Variants in DLG2 observed in about 807,000 individuals in gnomAD.
DLG2 encodes disks large homolog 2.
DLG2 carries 45 observed loss-of-function variants against 132.5 expected under a neutral mutation model. The ratio of observed to expected loss-of-function variants is 0.34; its 90% CI spans 0.27 to 0.44. The LOEUF is 0.44. DLG2 is among the 20% of genes least tolerant of loss of function. DLG2 has a pLI of 1.00. For missense variants in DLG2, 1,045 were observed against 1,196.9 expected (o/e 0.87, Z 1.87); for synonymous variants, 424 against 419.6 (o/e 1.01, Z -0.13).
intron 6 of DLG2, among the ~76,000 whole-genome samples, chr11:84,962,057 C>T (rs577183773): frequency 6.6e-6 from 1 of 152,352 alleles, no homozygotes; most frequent in Admixed American, 6.5e-5. Context: ...ATTTACATTT[C>T]CCACTTAGAT....
At chr11:84,398,972 T>C (rs2098820138) in intron 7 of DLG2, among the ~76,000 whole-genome samples, 1 of 152,222 alleles carries the variant, frequency 6.6e-6, no homozygotes, top group Non-Finnish European at 1.5e-5. Flanking sequence ...TATGACACTT[T>C]CTCAGTTATA....
intron 3 of DLG2, among the ~76,000 whole-genome samples, chr11:85,481,764 C>T (rs927622136): frequency 1.3e-5 from 2 of 151,990 alleles, no homozygotes; most frequent in African/African-American, 2.4e-5. Flanking sequence ...CCAGGCCAAA[C>T]CCACATAGTC....
intron 6 of DLG2, among the ~76,000 whole-genome samples, chr11:84,605,717 G>A (rs1431437445): frequency 1.3e-5 from 2 of 151,910 alleles, no homozygotes; most frequent in Non-Finnish European, 2.9e-5. Flanking sequence ...AAGGTGTTTG[G>A]ACTTCTTAAT....
intron 3 of DLG2, among the ~76,000 whole-genome samples, chr11:85,481,041 C>T (rs2093276376): frequency 6.6e-6 from 1 of 152,218 alleles, no homozygotes; most frequent in African/African-American, 2.4e-5. Context: ...CTCAGCCTCA[C>T]TTTCTTCATA....
At chr11:84,008,466 T>C (rs903135128) in intron 11 of DLG2, among the ~76,000 whole-genome samples, 1 of 151,932 alleles carries the variant, frequency 6.6e-6, no homozygotes, top group Non-Finnish European at 1.5e-5. Flanking sequence ...AATTTTGGTA[T>C]GTATCTCTAT....
intron 3 of DLG2, among the ~76,000 whole-genome samples, chr11:85,401,913 G>T (rs1462207665): frequency 6.6e-6 from 1 of 152,014 alleles, no homozygotes; most frequent in Non-Finnish European, 1.5e-5. Flanking sequence ...TGGCCATACT[G>T]CCCAAGGTAA....
At chr11:84,164,821 G>A (rs1013427688) in intron 8 of DLG2, among the ~76,000 whole-genome samples, 14 of 152,140 alleles carry the variant, frequency 9.2e-5, no homozygotes, top group East Asian at 3.9e-4. Flanking sequence ...TTCTAATTAC[G>A]TGAGCTAATT....
intron 18 of DLG2, among the ~76,000 whole-genome samples, chr11:83,674,305 T>G (rs188138206): frequency 6.6e-6 from 1 of 152,318 alleles, no homozygotes; most frequent in African/African-American, 2.4e-5. Context: ...AAGCACTGCC[T>G]GCAGCCAGAA....
At chr11:85,013,009 T>G (rs925043244) in intron 6 of DLG2, among the ~76,000 whole-genome samples, 3 of 152,176 alleles carry the variant, frequency 2.0e-5, no homozygotes, top group Non-Finnish European at 2.9e-5. Flanking sequence ...ATATTAAATA[T>G]CTTCTCATTT....
chr11:84,216,348 T>G (rs999823272), intron 8 of DLG2, among the ~76,000 whole-genome samples: 1 of 152,154 alleles, frequency 6.6e-6, no homozygotes, highest in African/African-American at 2.4e-5. Flanking sequence ...CATAATTATG[T>G]CTGCAAATTC....
At chr11:83,947,900 A>C (rs1173982200) in intron 14 of DLG2, among the ~76,000 whole-genome samples, 1 of 152,166 alleles carries the variant, frequency 6.6e-6, no homozygotes, top group Non-Finnish European at 1.5e-5. Flanking sequence ...GGAATCTATC[A>C]TCTCAGGTTC....
chr11:83,931,220 T>G (rs2080148568), intron 14 of DLG2, among the ~76,000 whole-genome samples: 2 of 152,212 alleles, frequency 1.3e-5, no homozygotes, highest in Non-Finnish European at 2.9e-5. Flanking sequence ...GTTATTTTCT[T>G]TCCATATAAT....
intron 6 of DLG2, among the ~76,000 whole-genome samples, chr11:84,698,390 A>G (rs971998155): frequency 5.9e-5 from 9 of 151,554 alleles, no homozygotes; most frequent in African/African-American, 1.9e-4. Flanking sequence ...TATTAAATTG[A>G]GTCAACAAAT....
At chr11:84,716,652 C>A (rs2061263192) in intron 6 of DLG2, among the ~76,000 whole-genome samples, 1 of 148,434 alleles carries the variant, frequency 6.7e-6, no homozygotes, top group African/African-American at 2.5e-5. Flanking sequence ...TTCCCCATGG[C>A]AAGCCCATTC....
At chr11:84,035,284 A>G (rs1197707877) in intron 11 of DLG2, among the ~76,000 whole-genome samples, 1 of 152,178 alleles carries the variant, frequency 6.6e-6, no homozygotes, top group Non-Finnish European at 1.5e-5. Context: ...TGCTTTGATT[A>G]AGTTGTAGGT....
At chr11:85,123,376 G>A (rs1326512373) in intron 5 of DLG2, among the ~76,000 whole-genome samples, 3 of 152,094 alleles carry the variant, frequency 2.0e-5, no homozygotes, top group South Asian at 2.1e-4. Flanking sequence ...GGATTCTATT[G>A]TAGAAATCCA....
rs112815110 is a variant in DLG2 at position 83,962,308 on chromosome 11, T to C, written c.1340+577A>G. Among the ~76,000 whole-genome samples the C allele has an allele frequency of 6.1e-3, 934 of 152,168 alleles. 4 individuals carry two copies. Among genetic ancestry groups the C allele is most frequent in the Middle Eastern group, 0.048 (14 of 294 alleles). On this transcript the variant is annotated intron_variant, in intron 14 of 27. Transcript: ENST00000376104. ...ATATCTGAAAATACATTTGTATATG[T>C]TTGTAAGAACATGGAGAAGGTATGA... is the stretch of plus-strand genomic sequence containing the variant.
At chr11:85,321,099 T>C (rs2081036097) in intron 3 of DLG2, among the ~76,000 whole-genome samples, 1 of 151,852 alleles carries the variant, frequency 6.6e-6, no homozygotes, top group Non-Finnish European at 1.5e-5. Flanking sequence ...GAGATGATAG[T>C]GATTTGAATG....
chr11:85,502,073 G>A (rs891984045), intron 3 of DLG2, among the ~76,000 whole-genome samples: 12 of 152,144 alleles, frequency 7.9e-5, no homozygotes, highest in Non-Finnish European at 1.2e-4. Flanking sequence ...ATACTCCATG[G>A]AATACTATGC....
Sources: allele counts gnomAD v4.1 joint callset (sites outside exome capture counted in the v4.1 genomes callset), GRCh38; gene constraint gnomAD v4.1.1; transcripts MANE v1.5; gene names NCBI Gene and HGNC (gene_info 2026-07-23, HGNC 2026-07-21).